NRP1: variants seen among roughly 807,000 people sequenced by gnomAD.
NRP1 encodes neuropilin-1.
In NRP1, 35 loss-of-function variants were observed where a neutral mutation model predicts 106.7. The ratio of observed to expected loss-of-function variants is 0.33; its 90% CI spans 0.25 to 0.43. The LOEUF (loss-of-function observed/expected upper bound fraction) is 0.43. Ranked by LOEUF, NRP1 falls within the 20% of genes least tolerant of loss-of-function variation. The pLI, the probability that NRP1 is intolerant of heterozygous loss-of-function variation, is 1.00. For synonymous variants in NRP1, 437 were observed against 417.9 expected (o/e 1.05, Z -0.56); for missense variants, 1,024 against 1,170.4 (o/e 0.87, Z 1.83).
intron 2 of NRP1, among the ~76,000 whole-genome samples, chr10:33,274,273 A>G (rs1441708199): frequency 6.6e-6 from 1 of 152,182 alleles, no homozygotes; most frequent in East Asian, 1.9e-4. Flanking sequence ...TATTGGCTCC[A>G]TTATTTCCCC....
rs1050745127 is a variant in NRP1 at position 33,208,011 on chromosome 10, A to G, written c.1615-295T>C. 2.0e-5 allele frequency among the ~76,000 whole-genome samples: 3 copies of G among 151,826 alleles called. No individual in the cohort carries two copies. The South Asian group carries it at 6.3e-4, about 32-fold the overall frequency. On this transcript the variant is annotated intron_variant, in intron 9 of 16. Coordinates refer to ENST00000374867, the MANE Select transcript of NRP1 (RefSeq NM_003873.7). ...TGTGATTGCACCTCACTTCAGTCTT[A>G]CCCTCCCTGGGCTCAGTGATCCTCC...
chr10:33,272,710 C>T (rs1843392985), intron 2 of NRP1, among the ~76,000 whole-genome samples: 1 of 152,112 alleles, frequency 6.6e-6, no homozygotes, highest in Non-Finnish European at 1.5e-5. Context: ...GGCAGGTTTG[C>T]ATGTTTCGCC....
intron 6 of NRP1, among the ~76,000 whole-genome samples, chr10:33,239,854 T>C (rs1357708459): frequency 6.6e-6 from 1 of 152,262 alleles, no homozygotes; most frequent in Non-Finnish European, 1.5e-5. Flanking sequence ...AGGATGTTTA[T>C]GTATCAGATG....
chr10:33,246,672 CTG>C (rs1324727201), intron 6 of NRP1, among the ~76,000 whole-genome samples: 1 of 152,110 alleles, frequency 6.6e-6, no homozygotes, highest in Non-Finnish European at 1.5e-5. Flanking sequence ...TTTGCCAACA[CTG>C]TATTTTACAT....
At chr10:33,260,941 G>A (rs1007892572) in intron 4 of NRP1, among the ~76,000 whole-genome samples, 1 of 124,748 alleles carries the variant, frequency 8.0e-6, no homozygotes, top group Non-Finnish European at 1.6e-5. Flanking sequence ...GAGGAACTGT[G>A]TATGTTGAAC....
At chr10:33,251,979 T>A (rs1017389337) in intron 6 of NRP1, among the ~76,000 whole-genome samples, 3 of 152,120 alleles carry the variant, frequency 2.0e-5, no homozygotes, top group Non-Finnish European at 4.4e-5. Flanking sequence ...CAGGTACTCC[T>A]GCTTTCCCGC....
chr10:33,269,695 C>A (rs1381554522), intron 3 of NRP1, among the ~76,000 whole-genome samples: 4 of 152,264 alleles, frequency 2.6e-5, no homozygotes, highest in Non-Finnish European at 4.4e-5. Flanking sequence ...TACAGCCACT[C>A]CCCATCACTG....
intron 2 of NRP1, among the ~76,000 whole-genome samples, chr10:33,289,892 C>T (rs1462254780): frequency 2.6e-5 from 4 of 152,174 alleles, no homozygotes; most frequent in African/African-American, 7.2e-5. Context: ...TCAGTATCTG[C>T]GGAGGCCAGC....
intron 6 of NRP1, among the ~76,000 whole-genome samples, chr10:33,233,621 A>T (rs1416032096): frequency 1.3e-5 from 2 of 152,216 alleles, no homozygotes; most frequent in African/African-American, 4.8e-5. Flanking sequence ...GTCTTACTCA[A>T]TAAATTACTG....
intron 2 of NRP1, among the ~76,000 whole-genome samples, chr10:33,315,962 C>T (rs1274410774): frequency 1.3e-5 from 2 of 152,146 alleles, no homozygotes; most frequent in Non-Finnish European, 2.9e-5. Context: ...GATAAGGGAG[C>T]CACAGGGGAT....
At chr10:33,256,518 C>A in intron 4 of NRP1, 47 bp from the exon 5 acceptor site, 1 of 1,596,394 alleles carries the variant, frequency 6.3e-7, no homozygotes, top group Non-Finnish European at 8.6e-7. Context: ...TTTTCTCCTG[C>A]AGCAGATGCA....
chr10:33,319,341 T>G (rs1327681711), intron 2 of NRP1, among the ~76,000 whole-genome samples: 1 of 151,924 alleles, frequency 6.6e-6, no homozygotes, highest in Non-Finnish European at 1.5e-5. Flanking sequence ...GTTTGTAAAA[T>G]GCACCAATCA....
At chr10:33,199,585 C>A (rs547137984) in intron 11 of NRP1, among the ~76,000 whole-genome samples, 3 of 150,962 alleles carry the variant, frequency 2.0e-5, no homozygotes, top group South Asian at 2.1e-4. Context: ...GTCTTTTAAC[C>A]CACTGAGTTT....
At chr10:33,223,120 C>T (rs115063019) in intron 7 of NRP1, among the ~76,000 whole-genome samples, 3 of 152,202 alleles carry the variant, frequency 2.0e-5, no homozygotes, top group African/African-American at 7.2e-5. Flanking sequence ...TCAGACACCT[C>T]CTTTTAGGCT....
intron 6 of NRP1, among the ~76,000 whole-genome samples, chr10:33,231,100 T>C (rs1175977980): frequency 6.6e-6 from 1 of 152,192 alleles, no homozygotes; most frequent in African/African-American, 2.4e-5. Flanking sequence ...ACATACAAAG[T>C]TCCTTTGCCC....
At chr10:33,312,150 C>A (rs1031244047) in intron 2 of NRP1, among the ~76,000 whole-genome samples, 2 of 152,116 alleles carry the variant, frequency 1.3e-5, no homozygotes, top group Non-Finnish European at 2.9e-5. Flanking sequence ...GAAGGAATTG[C>A]ATTTATTATT....
chr10:33,298,255 T>C (rs566159601), intron 2 of NRP1, among the ~76,000 whole-genome samples: 17 of 152,288 alleles, frequency 1.1e-4, no homozygotes, highest in Non-Finnish European at 1.8e-4. Flanking sequence ...CAGGTAGACC[T>C]CTGTCATCTC....
intron 8 of NRP1, among the ~76,000 whole-genome samples, chr10:33,220,247 C>T (rs1455214852): frequency 6.6e-6 from 1 of 152,052 alleles, no homozygotes; most frequent in African/African-American, 2.4e-5. Flanking sequence ...TGGAATATTG[C>T]CAAAGTGATT....
rs538412198 is a variant in NRP1 at position 33,258,877 on chromosome 10, A to T, written c.659-2406T>A. On this transcript the variant is annotated intron_variant, in intron 4 of 16. Transcript: ENST00000374867. ...AATCTCATTTCTGATCTGCAATATT[A>T]AAAGAAAAGCCTTAGAGTCCACTCA... Among the ~76,000 whole-genome samples, 107 of 152,102 alleles carry T rather than the reference A, an allele frequency of 7.0e-4. 2 individuals are homozygous for T. The East Asian group carries it at 0.013, about 19-fold the overall frequency.
Sources: gnomAD v4.1 joint callset for allele counts (sites outside exome capture counted in the v4.1 genomes callset) on GRCh38, gnomAD v4.1.1 for gene constraint, MANE v1.5 for transcripts, NCBI Gene and HGNC (gene_info 2026-07-23, HGNC 2026-07-21) for gene names.